The following STRBP variants were observed in gnomAD, a reference collection of about 807,000 sequenced individuals.
STRBP encodes spermatid perinuclear RNA-binding protein.
Under a neutral mutation model 80.1 loss-of-function variants are expected in STRBP, and 13 were observed. The ratio of observed to expected loss-of-function variants is 0.16; its 90% CI spans 0.11 to 0.26. The LOEUF is 0.26. STRBP is among the 10% of genes least tolerant of loss of function. The pLI, the probability that STRBP is intolerant of heterozygous loss-of-function variation, is 1.00. For missense variants in STRBP, 485 were observed against 815.2 expected, an observed-to-expected ratio of 0.59 and a Z score of 4.93; for synonymous variants, 284 against 291.2, an observed-to-expected ratio of 0.98 and a Z score of 0.25.
intron 1 of STRBP, among the ~76,000 whole-genome samples, chr9:123,241,280 T>C (rs1209248788): frequency 6.6e-6 from 1 of 151,816 alleles, no homozygotes; most frequent in Non-Finnish European, 1.5e-5. Flanking sequence ...GGCAGCAGAA[T>C]CCCTAGAGTC....
chr9:123,182,443 G>T (rs1179070795), intron 3 of STRBP, among the ~76,000 whole-genome samples: 1 of 152,030 alleles, frequency 6.6e-6, no homozygotes, highest in African/African-American at 2.4e-5. Context: ...CATCCACTCT[G>T]AAAAATAATA....
At chr9:123,208,380 G>A (rs903897108) in intron 2 of STRBP, among the ~76,000 whole-genome samples, 5 of 152,152 alleles carry the variant, frequency 3.3e-5, no homozygotes, top group African/African-American at 1.2e-4. Flanking sequence ...TCCAAGTTCT[G>A]CTTTCTCCGC....
chr9:123,192,117 T>G (rs2038946385), intron 2 of STRBP, among the ~76,000 whole-genome samples: 1 of 152,180 alleles, frequency 6.6e-6, no homozygotes, highest in Non-Finnish European at 1.5e-5. Context: ...GAGGAGGTTT[T>G]GGGAATAAGA....
chr9:123,157,193 G>C (rs1208798729), intron 11 of STRBP, among the ~76,000 whole-genome samples: 1 of 152,082 alleles, frequency 6.6e-6, no homozygotes, highest in Admixed American at 6.6e-5. Flanking sequence ...TAATACAAAT[G>C]GAAGATGGTC....
chr9:123,238,640 A>G (rs2040622534), intron 1 of STRBP, among the ~76,000 whole-genome samples: 2 of 152,216 alleles, frequency 1.3e-5, no homozygotes, highest in African/African-American at 4.8e-5. Flanking sequence ...TCATCCTAAC[A>G]TCCCACGTAT....
chr9:123,193,775 C>A (rs2039004207), intron 2 of STRBP, among the ~76,000 whole-genome samples: 1 of 152,130 alleles, frequency 6.6e-6, no homozygotes, highest in South Asian at 2.1e-4. Context: ...ATTTATCATT[C>A]ATACCAGCAA....
At chr9:123,189,458 T>C (rs1426317190) in intron 2 of STRBP, among the ~76,000 whole-genome samples, 2 of 133,314 alleles carry the variant, frequency 1.5e-5, no homozygotes, top group African/African-American at 5.2e-5. Context: ...ACTTGAAGTA[T>C]AATAATAATA....
At chr9:123,255,069 ATTT>A (rs764735046) in intron 1 of STRBP, among the ~76,000 whole-genome samples, 7 of 152,272 alleles carry the variant, frequency 4.6e-5, no homozygotes, top group Admixed American at 6.5e-5. Context: ...TTTGCAAATA[ATTT>A]TTTTGTCTAT....
intron 1 of STRBP, among the ~76,000 whole-genome samples, chr9:123,260,209 T>A (rs544253133): frequency 2.6e-5 from 4 of 152,176 alleles, no homozygotes; most frequent in African/African-American, 9.6e-5. Context: ...GAGAGAGACA[T>A]CATTTCAGCT....
At chr9:123,220,382 C>CT (rs1265115367) in intron 2 of STRBP, among the ~76,000 whole-genome samples, 1 of 152,138 alleles carries the variant, frequency 6.6e-6, no homozygotes, top group Non-Finnish European at 1.5e-5. Context: ...AGTTATTCTA[C>CT]CAAATACGGT....
intron 1 of STRBP, among the ~76,000 whole-genome samples, chr9:123,267,214 G>C (rs1220086782): frequency 7.1e-6 from 1 of 140,860 alleles, no homozygotes; most frequent in Non-Finnish European, 1.5e-5. Context: ...CACTTGCCAA[G>C]AACCCCTCAC....
At chr9:123,161,906 T>C (rs1235415794) in intron 6 of STRBP, among the ~76,000 whole-genome samples, 1 of 152,194 alleles carries the variant, frequency 6.6e-6, no homozygotes, top group Non-Finnish European at 1.5e-5. Flanking sequence ...TACTGAAAAG[T>C]AGGCTTTTAA....
At chr9:123,214,759 T>A (rs2039836786) in intron 2 of STRBP, among the ~76,000 whole-genome samples, 1 of 152,208 alleles carries the variant, frequency 6.6e-6, no homozygotes, top group Admixed American at 6.5e-5. Context: ...TATACTATAT[T>A]CATACAGATA....
chr9:123,205,290 C>A (rs998814223), intron 2 of STRBP, among the ~76,000 whole-genome samples: 1 of 152,056 alleles, frequency 6.6e-6, no homozygotes, highest in East Asian at 1.9e-4. Flanking sequence ...TTCAAATATT[C>A]TCTGTCCTCC....
At chr9:123,233,366 T>C (rs968704431) in intron 2 of STRBP, among the ~76,000 whole-genome samples, 70 of 152,300 alleles carry the variant, frequency 4.6e-4, no homozygotes, top group Non-Finnish European at 4.6e-4. Flanking sequence ...CCTGAGCCCC[T>C]ATGCCAGGCT....
intron 1 of STRBP, among the ~76,000 whole-genome samples, chr9:123,267,324 T>G (rs546221021): frequency 9.2e-5 from 14 of 151,876 alleles, no homozygotes; most frequent in Admixed American, 7.9e-4. Flanking sequence ...CCGCTATCCT[T>G]TAAATGCCCC....
rs145256446 is a variant in STRBP at position 123,180,111 on chromosome 9, C to A, written c.4-884G>T. 2.5e-3 allele frequency among the ~76,000 whole-genome samples: 386 copies of A among 152,146 alleles called. 1 individual carries two copies. Among genetic ancestry groups the A allele is most frequent in the African/African-American group, 8.7e-3 (361 of 41,500 alleles). On this transcript the variant is annotated intron_variant, in intron 3 of 18. Transcript: ENST00000348403. ...CTCTCCAAAACATAAAAAAAATTAG[C>A]CGGACGTGGTAGCAGGTGCCTATAG...
intron 1 of STRBP, among the ~76,000 whole-genome samples, chr9:123,267,561 G>A (rs1296566021): frequency 2.6e-5 from 4 of 151,622 alleles, no homozygotes; most frequent in Non-Finnish European, 4.4e-5. Context: ...ACCCCTCGCA[G>A]GTCTCCTGGA....
intron 2 of STRBP, among the ~76,000 whole-genome samples, chr9:123,234,060 G>T (rs568962292): frequency 6.6e-6 from 1 of 152,076 alleles, no homozygotes; most frequent in Non-Finnish European, 1.5e-5. Context: ...AATTAGCCAG[G>T]CGTGGTGGCG....
Sources: allele counts gnomAD v4.1 joint callset (sites outside exome capture counted in the v4.1 genomes callset), GRCh38; gene constraint gnomAD v4.1.1; transcripts MANE v1.5; gene names NCBI Gene and HGNC (gene_info 2026-07-23, HGNC 2026-07-21).